The following CREB5 variants were observed in gnomAD, a reference collection of about 807,000 sequenced individuals.
CREB5 encodes the protein cAMP responsive element binding protein 5.
Under a neutral mutation model 57.1 loss-of-function variants are expected in CREB5, and 19 were observed. The ratio of observed to expected loss-of-function variants is 0.33; its 90% CI spans 0.23 to 0.49. CREB5 has a LOEUF of 0.49. CREB5 is among the 20% of genes least tolerant of loss of function. The pLI, the probability that CREB5 is intolerant of heterozygous loss-of-function variation, is 0.99. For missense variants in CREB5, 579 were observed against 671.6 expected (o/e 0.86, Z 1.52); for synonymous variants, 238 against 238.3 (o/e 1.00, Z 0.01).
At chr7:28,489,613 T>C (rs908680101) in intron 2 of CREB5, among the ~76,000 whole-genome samples, 3 of 152,142 alleles carry the variant, frequency 2.0e-5, no homozygotes, top group Non-Finnish European at 4.4e-5. Context: ...ACCCTTCTTA[T>C]TAACTTCCCT....
At chr7:28,556,881 T>G (rs964886135) in intron 4 of CREB5, among the ~76,000 whole-genome samples, 1 of 152,208 alleles carries the variant, frequency 6.6e-6, no homozygotes, top group East Asian at 1.9e-4. Context: ...GTTGGCTGCT[T>G]TCTTTGACCA....
At chr7:28,397,685 G>A (rs529405000) in intron 1 of CREB5, among the ~76,000 whole-genome samples, 1 of 152,336 alleles carries the variant, frequency 6.6e-6, no homozygotes, top group Admixed American at 6.5e-5. Context: ...TACCACAGAT[G>A]CAAGAGAGTT....
intron 1 of CREB5, among the ~76,000 whole-genome samples, chr7:28,479,285 C>A (rs13242388): frequency 0.16 from 23,784 of 152,208 alleles, 1,994 homozygotes; most frequent in East Asian, 0.2. Context: ...CTGTGCATTG[C>A]AGAATATCCC....
At position 28,318,413 on chromosome 7, in the gene CREB5, T is replaced by G. The variant is rs112609895; in HGVS notation, c.-25+18972T>G. The stretch of plus-strand genomic sequence containing the variant: ...GCTGCAAAAATGAATAGGTGCTACT[T>G]GTAAAAGTATACAAAATTATTTTCT... On this transcript the variant is annotated intron_variant, in intron 1 of 9. Coordinates refer to the CREB5 transcript ENST00000396299. 4.3e-3 allele frequency among the ~76,000 whole-genome samples: 651 copies of G among 152,376 alleles called. 2 individuals carry two copies. Among genetic ancestry groups the G allele is most frequent in the African/African-American group, 0.015 (627 of 41,590 alleles).
chr7:28,584,255 TG>T (rs1352476550), intron 5 of CREB5, among the ~76,000 whole-genome samples: 1 of 152,180 alleles, frequency 6.6e-6, no homozygotes, highest in African/African-American at 2.4e-5. Context: ...CTTTAATTAT[TG>T]CATGTATGTT....
intron 3 of CREB5, among the ~76,000 whole-genome samples, chr7:28,501,652 A>C (rs1323628965): frequency 1.3e-5 from 2 of 152,084 alleles, no homozygotes; most frequent in East Asian, 3.8e-4. Flanking sequence ...TGATAATAAA[A>C]TCACCTTGGG....
chr7:28,399,654 A>G (rs1338261770), intron 1 of CREB5, among the ~76,000 whole-genome samples: 1 of 152,130 alleles, frequency 6.6e-6, no homozygotes, highest in African/African-American at 2.4e-5. Flanking sequence ...AGTGTCTCAC[A>G]CCTATAATCC....
intron 5 of CREB5, among the ~76,000 whole-genome samples, chr7:28,602,043 T>C (rs1725172807): frequency 6.6e-6 from 1 of 151,006 alleles, no homozygotes; most frequent in African/African-American, 2.5e-5. Context: ...TGGTGTGGTA[T>C]ATTTTCCTGC....
At chr7:28,694,397 T>C (rs1462404322) in intron 5 of CREB5, among the ~76,000 whole-genome samples, 6 of 152,156 alleles carry the variant, frequency 3.9e-5, no homozygotes, top group African/African-American at 1.4e-4. Context: ...GCTCTTGCCC[T>C]AGTTCAGTAC....
intron 4 of CREB5, among the ~76,000 whole-genome samples, chr7:28,540,838 T>G (rs10270311): frequency 0.11 from 17,285 of 152,144 alleles, 1,072 homozygotes; most frequent in African/African-American, 0.15. Flanking sequence ...CCCTGTTACC[T>G]CCTTCTGCCA....
intron 8 of CREB5, among the ~76,000 whole-genome samples, chr7:28,805,372 G>A (rs189744042): frequency 6.6e-6 from 1 of 152,264 alleles, no homozygotes; most frequent in Admixed American, 6.5e-5. Context: ...GCTGGGCCTA[G>A]ACACTTTGGA....
At position 28,516,290 on chromosome 7, in the gene CREB5, C is replaced by G. The variant is rs1475736147; in HGVS notation, c.291+8553C>G. On this transcript the variant is annotated intron_variant, in intron 4 of 10. Coordinates refer to ENST00000357727, the MANE Select transcript of CREB5 (RefSeq NM_182898.4). ...CTTTGTGGTTAAAGGAAAAGTTCCT[C>G]CAAATATTATCATTGTTAAAAATTA... is the stretch of plus-strand genomic sequence containing the variant. Among the ~76,000 whole-genome samples the G allele has an allele frequency of 3.3e-5, 5 of 151,998 alleles. No homozygotes were observed. The East Asian group carries it at 9.7e-4, about 29-fold the overall frequency.
intron 1 of CREB5, among the ~76,000 whole-genome samples, chr7:28,327,127 C>T (rs986845110): frequency 2.8e-4 from 36 of 128,588 alleles, no homozygotes; most frequent in Admixed American, 2.5e-3. Flanking sequence ...CCAGCCTGGG[C>T]GACAGGGTGA....
chr7:28,495,539 CA>C (rs11396874), intron 3 of CREB5, among the ~76,000 whole-genome samples: 52 of 142,132 alleles, frequency 3.7e-4, no homozygotes, highest in Admixed American at 7.0e-4. Flanking sequence ...AACTCCGTCT[CA>C]AAAAAAAAAA....
chr7:28,663,582 G>A (rs1230575580), intron 5 of CREB5, among the ~76,000 whole-genome samples: 1 of 152,156 alleles, frequency 6.6e-6, no homozygotes, highest in Non-Finnish European at 1.5e-5. Flanking sequence ...CTAAGATTCC[G>A]TTTTCATATT....
chr7:28,452,082 C>T (rs1302621523), intron 1 of CREB5, among the ~76,000 whole-genome samples: 5 of 152,150 alleles, frequency 3.3e-5, no homozygotes, highest in African/African-American at 1.2e-4. Context: ...GCTGCACCAG[C>T]CCATCTTAGA....
At chr7:28,642,423 C>T (rs986822679) in intron 5 of CREB5, among the ~76,000 whole-genome samples, 6 of 152,186 alleles carry the variant, frequency 3.9e-5, no homozygotes, top group African/African-American at 1.4e-4. Flanking sequence ...AAGTGAGAAG[C>T]TGTTACTAAT....
At chr7:28,741,302 A>C (rs963967033) in intron 7 of CREB5, among the ~76,000 whole-genome samples, 1 of 152,272 alleles carries the variant, frequency 6.6e-6, no homozygotes, top group Admixed American at 6.5e-5. Flanking sequence ...CTTTTATTCC[A>C]TAACGTATCT....
intron 5 of CREB5, among the ~76,000 whole-genome samples, chr7:28,700,535 A>C (rs1193182627): frequency 6.6e-6 from 1 of 152,218 alleles, no homozygotes; most frequent in African/African-American, 2.4e-5. Context: ...AACTTTAAAA[A>C]TAATTTTAGC....
Sources: allele counts gnomAD v4.1 joint callset (sites outside exome capture counted in the v4.1 genomes callset), GRCh38; gene constraint gnomAD v4.1.1; transcripts MANE v1.5; gene names NCBI Gene and HGNC (gene_info 2026-07-23, HGNC 2026-07-21).